Variants in RORA observed in about 807,000 individuals in gnomAD.
The protein encoded by RORA is RAR related orphan receptor A, also known as nuclear receptor ROR-alpha.
RORA carries 7 observed loss-of-function variants against 69.5 expected under a neutral mutation model. The ratio of observed to expected loss-of-function variants is 0.10; its 90% confidence interval spans 0.06 to 0.19. The LOEUF (loss-of-function observed/expected upper bound fraction) is 0.19, where lower values mean the gene tolerates loss of function less well. Among genes scored for constraint, RORA ranks in the 10% least tolerant of loss-of-function variants. RORA has a pLI of 1.00. For synonymous variants in RORA, 261 were observed against 240.8 expected (o/e 1.08, Z -0.78); for missense variants, 457 against 663.0 (o/e 0.69, Z 3.41).
At chr15:60,645,409 T>C (rs16942884) in intron 2 of RORA, among the ~76,000 whole-genome samples, 4,476 of 150,370 alleles carry the variant, frequency 0.03, 117 homozygotes, top group African/African-American at 0.071. Flanking sequence ...CAACAAGGTC[T>C]TGACAGATAA....
chr15:60,907,176 T>C (rs748610095), intron 1 of RORA, among the ~76,000 whole-genome samples: 1 of 152,064 alleles, frequency 6.6e-6, no homozygotes, highest in Non-Finnish European at 1.5e-5. Flanking sequence ...CTTTCATACA[T>C]GAGGTAAACA....
chr15:61,025,776 A>C (rs889484351), intron 1 of RORA, among the ~76,000 whole-genome samples: 2 of 152,188 alleles, frequency 1.3e-5, no homozygotes, highest in Non-Finnish European at 2.9e-5. Context: ...TGGAAGGAAA[A>C]AATAATCCTC....
At chr15:61,219,722 G>A (rs188876438) in intron 1 of RORA, among the ~76,000 whole-genome samples, 39 of 152,298 alleles carry the variant, frequency 2.6e-4, no homozygotes, top group Admixed American at 5.2e-4. Context: ...TCTCGAACAC[G>A]TTACCTTTGT....
At chr15:60,634,255 C>T (rs1421322974) in intron 2 of RORA, among the ~76,000 whole-genome samples, 2 of 152,152 alleles carry the variant, frequency 1.3e-5, no homozygotes, top group Non-Finnish European at 2.9e-5. Context: ...TCACTTCAAC[C>T]TGGACTTTTG....
At chr15:61,015,906 G>T (rs992297187) in intron 1 of RORA, among the ~76,000 whole-genome samples, 2 of 152,158 alleles carry the variant, frequency 1.3e-5, no homozygotes, top group Non-Finnish European at 2.9e-5. Context: ...ATTCCTCCAG[G>T]GGTCTGTTTT....
chr15:60,939,370 CA>C (rs1566917106), intron 1 of RORA, among the ~76,000 whole-genome samples: 2 of 152,182 alleles, frequency 1.3e-5, no homozygotes, highest in Non-Finnish European at 1.5e-5. Flanking sequence ...GAGGGGCATG[CA>C]GTCATCAGAG....
chr15:61,225,969 A>G (rs1596085875), intron 1 of RORA, among the ~76,000 whole-genome samples: 1 of 152,160 alleles, frequency 6.6e-6, no homozygotes, highest in African/African-American at 2.4e-5. Flanking sequence ...AGTTTCATTA[A>G]AACTGCTAAC....
chr15:60,948,367 C>A (rs1892967443), intron 1 of RORA, among the ~76,000 whole-genome samples: 1 of 152,070 alleles, frequency 6.6e-6, no homozygotes, highest in African/African-American at 2.4e-5. Context: ...TACATTTTTT[C>A]TTTCCACTCC....
chr15:60,719,209 T>C (rs1486706042), intron 1 of RORA, among the ~76,000 whole-genome samples: 1 of 152,180 alleles, frequency 6.6e-6, no homozygotes. Flanking sequence ...ATTATAGTTA[T>C]ATAAACATAT....
intron 1 of RORA, among the ~76,000 whole-genome samples, chr15:60,874,741 T>G (rs1452013663): frequency 6.6e-6 from 1 of 152,222 alleles, no homozygotes; most frequent in Admixed American, 6.5e-5. Context: ...ATCCACTTAT[T>G]TTAACCTTAT....
At position 61,070,884 on chromosome 15, in the gene RORA, A is replaced by T. The variant is rs1338695857; in HGVS notation, c.166+158169T>A. ...CAAAAGCATGCAAAATATAGCTTCT[A>T]CCTGGAGATGCATTCCAAGTTACAA... On this transcript the variant is annotated intron_variant, in intron 1 of 10. Coordinates refer to ENST00000335670, the MANE Select transcript of RORA (RefSeq NM_134261.3). Among the ~76,000 whole-genome samples the T allele has an allele frequency of 2.6e-5, 4 of 152,092 alleles. 1 individual carries two copies. Among genetic ancestry groups the T allele is most frequent in the Non-Finnish European group, 5.9e-5 (4 of 68,016 alleles).
At chr15:61,179,359 T>C (rs1466560703) in intron 1 of RORA, among the ~76,000 whole-genome samples, 1 of 152,240 alleles carries the variant, frequency 6.6e-6, no homozygotes, top group Non-Finnish European at 1.5e-5. Flanking sequence ...TCCAGCTGTT[T>C]TCTATTAAGC....
chr15:60,759,091 T>C (rs2071844398), intron 1 of RORA, among the ~76,000 whole-genome samples: 1 of 152,202 alleles, frequency 6.6e-6, no homozygotes, highest in African/African-American at 2.4e-5. Context: ...TCCAATCAAA[T>C]GCTGAATGAA....
At chr15:60,639,481 G>A (rs545227752) in intron 2 of RORA, among the ~76,000 whole-genome samples, 4 of 152,170 alleles carry the variant, frequency 2.6e-5, no homozygotes, top group South Asian at 2.1e-4. Flanking sequence ...GGATCTCCAC[G>A]TCCCGGCTTC....
intron 1 of RORA, among the ~76,000 whole-genome samples, chr15:60,868,842 T>C (rs1254401762): frequency 6.6e-6 from 1 of 152,120 alleles, no homozygotes; most frequent in Non-Finnish European, 1.5e-5. Context: ...ATTGAGAAAA[T>C]GTCTGAGAGC....
chr15:60,627,384 T>A, intron 2 of RORA: 1 of 1,614,096 alleles, frequency 6.2e-7, no homozygotes, highest in Non-Finnish European at 8.5e-7. Flanking sequence ...TGCCTTTTCC[T>A]GGTTACCCAT....
rs555545924 is a variant in RORA at position 60,911,809 on chromosome 15, C to T, written c.167-233123G>A. On this transcript the variant is annotated intron_variant, in intron 1 of 10. Transcript: ENST00000335670. ...CCAACTTCTGTGTCCAAGTGATTCT[C>T]GTGCCTCAGCCTCCCAAATAGCTGG... 1.1e-4 allele frequency among the ~76,000 whole-genome samples: 16 copies of T among 149,942 alleles called. No homozygotes were observed. In the South Asian group the frequency reaches 2.3e-3, roughly 22 times the overall value.
At chr15:60,541,478 T>A (rs1364792036) in intron 2 of RORA, among the ~76,000 whole-genome samples, 1 of 152,206 alleles carries the variant, frequency 6.6e-6, no homozygotes. Flanking sequence ...AATTACAACA[T>A]ATAAGCTCAA....
intron 1 of RORA, among the ~76,000 whole-genome samples, chr15:61,126,086 G>C (rs989571983): frequency 6.6e-6 from 1 of 152,148 alleles, no homozygotes; most frequent in Non-Finnish European, 1.5e-5. Flanking sequence ...TCTTTAAAAA[G>C]CTCCTCCTCT....
Sources: allele counts gnomAD v4.1 joint callset (sites outside exome capture counted in the v4.1 genomes callset), GRCh38; gene constraint gnomAD v4.1.1; transcripts MANE v1.5; gene names NCBI Gene and HGNC (gene_info 2026-07-23, HGNC 2026-07-21).